TSHR: variants seen among roughly 807,000 people sequenced by gnomAD.
TSHR encodes thyroid stimulating hormone receptor.
TSHR carries 51 observed loss-of-function variants against 64.1 expected under a neutral mutation model. The ratio of observed to expected loss-of-function variants is 0.80; its 90% CI spans 0.64 to 1.01. The LOEUF is 1.01. TSHR is among the 50% of genes least tolerant of loss of function. The pLI, the probability that TSHR is intolerant of heterozygous loss-of-function variation, is 0.00. For synonymous variants in TSHR, 361 were observed against 361.9 expected (o/e 1.00, Z 0.03); for missense variants, 877 against 942.8 (o/e 0.93, Z 0.91).
chr14:80,979,150 A>G (rs1054564677), intron 1 of TSHR, among the ~76,000 whole-genome samples: 4 of 152,236 alleles, frequency 2.6e-5, no homozygotes, highest in African/African-American at 9.6e-5. Flanking sequence ...CATCTGCAAC[A>G]ACATGGATGA....
chr14:81,040,996 T>TA (rs1211343681), intron 1 of TSHR, among the ~76,000 whole-genome samples: 4 of 152,032 alleles, frequency 2.6e-5, no homozygotes, highest in African/African-American at 9.7e-5. Flanking sequence ...TAGCTATTAT[T>TA]AAAAAGTAAA....
chr14:81,033,234 C>T, intron 1 of TSHR: 1 of 472,998 alleles, frequency 2.1e-6, no homozygotes, highest in Non-Finnish European at 4.2e-6. Flanking sequence ...TCAGAAGGGG[C>T]CAGAGCATCC....
At chr14:80,984,341 G>T (rs1215622764) in intron 1 of TSHR, among the ~76,000 whole-genome samples, 1 of 152,180 alleles carries the variant, frequency 6.6e-6, no homozygotes, top group African/African-American at 2.4e-5. Flanking sequence ...AAAAGAGAAG[G>T]TGGAAACATT....
intron 8 of TSHR, among the ~76,000 whole-genome samples, chr14:81,110,969 A>C (rs1237913185): frequency 1.3e-5 from 2 of 152,216 alleles, no homozygotes; most frequent in African/African-American, 2.4e-5. Flanking sequence ...AATATATATT[A>C]CTTATCTTCA....
At chr14:81,091,040 T>A in intron 4 of TSHR, 29 bp from the exon 5 acceptor site, 1 of 1,580,646 alleles carries the variant, frequency 6.3e-7, no homozygotes, top group South Asian at 1.1e-5. Context: ...AATTCTATGC[T>A]TTTTTTTCTC....
At chr14:81,030,365 A>G (rs368771822) in intron 1 of TSHR, among the ~76,000 whole-genome samples, 13 of 152,110 alleles carry the variant, frequency 8.5e-5, no homozygotes, top group Admixed American at 5.2e-4. Context: ...GGTGAAATCC[A>G]TTTTTTACCT....
intron 1 of TSHR, among the ~76,000 whole-genome samples, chr14:81,000,655 C>T (rs961743996): frequency 5.9e-5 from 9 of 152,158 alleles, no homozygotes; most frequent in South Asian, 2.1e-4. Flanking sequence ...ATAGCCTCTT[C>T]GTACTCATTC....
chr14:81,134,473 G>C (rs942925278), intron 8 of TSHR, among the ~76,000 whole-genome samples: 1 of 132,372 alleles, frequency 7.6e-6, no homozygotes, highest in Admixed American at 7.2e-5. Flanking sequence ...ACACAAGAAA[G>C]TGCTCTTAAA....
At chr14:80,962,186 C>A (rs533021167) in intron 1 of TSHR, among the ~76,000 whole-genome samples, 1 of 152,272 alleles carries the variant, frequency 6.6e-6, no homozygotes, top group South Asian at 2.1e-4. Context: ...ATACTGTCAA[C>A]AGATAATTTT....
chr14:81,096,455 CTG>C (rs1889196509), intron 6 of TSHR, among the ~76,000 whole-genome samples, 182 bp from the exon 7 acceptor site: 1 of 152,176 alleles, frequency 6.6e-6, no homozygotes, highest in Non-Finnish European at 1.5e-5. Flanking sequence ...GGCATTCAAA[CTG>C]AGAAATATTA....
At chr14:81,011,914 G>A (rs983658393) in intron 1 of TSHR, among the ~76,000 whole-genome samples, 2 of 151,880 alleles carry the variant, frequency 1.3e-5, no homozygotes, top group Non-Finnish European at 2.9e-5. Flanking sequence ...TTTTTACAAG[G>A]AAAATCTTTT....
chr14:80,956,047 T>A, intron 1 of TSHR, 197 bp downstream of exon 1: 1 of 665,392 alleles, frequency 1.5e-6, no homozygotes, highest in Non-Finnish European at 2.7e-6. Flanking sequence ...GTATCATTGT[T>A]GACATCCTCA....
intron 8 of TSHR, among the ~76,000 whole-genome samples, chr14:81,115,192 C>T (rs1371467136): frequency 2.0e-5 from 3 of 152,062 alleles, no homozygotes; most frequent in Non-Finnish European, 2.9e-5. Flanking sequence ...ATGACTTTGA[C>T]GAGCTGAGAG....
At chr14:81,003,256 AT>A (rs1242455986) in intron 1 of TSHR, 2 of 151,988 alleles carry the variant, frequency 1.3e-5, no homozygotes, top group Non-Finnish European at 2.9e-5. Flanking sequence ...CAGGTGTTTC[AT>A]CCTTTGTCCT....
intron 3 of TSHR, among the ~76,000 whole-genome samples, chr14:81,077,409 C>G (rs555569004): frequency 6.6e-6 from 1 of 152,194 alleles, no homozygotes; most frequent in African/African-American, 2.4e-5. Flanking sequence ...TGTGTACACA[C>G]ACATATTCAT....
Position 81,022,819 on chromosome 14 carries a change from T to C in TSHR, c.171-39329T>C, listed in dbSNP as rs570303067. ...CCGGGCGACAAAGCGAGACTTCATC[T>C]CAAAAGAACAAAAAAAAAGATGTGG... On this transcript the variant is annotated intron_variant, in intron 1 of 9. Transcript: ENST00000298171. Among the ~76,000 whole-genome samples the C allele has an allele frequency of 3.3e-5, 5 of 151,630 alleles. No individual in the cohort carries two copies. In the East Asian group the frequency reaches 9.7e-4, roughly 30 times the overall value.
intron 1 of TSHR, among the ~76,000 whole-genome samples, chr14:81,036,703 C>T (rs1884644455): frequency 6.6e-6 from 1 of 151,998 alleles, no homozygotes; most frequent in Admixed American, 6.6e-5. Context: ...TAGAATACTC[C>T]ATTACTGTAG....
intron 7 of TSHR, among the ~76,000 whole-genome samples, chr14:81,098,780 A>G (rs958705886): frequency 1.3e-5 from 2 of 152,182 alleles, no homozygotes; most frequent in Non-Finnish European, 2.9e-5. Context: ...CAGTGTGTTC[A>G]CCTGACTCTT....
chr14:81,005,210 TG>T (rs1302200952), intron 1 of TSHR, among the ~76,000 whole-genome samples: 49 of 5,364 alleles, frequency 9.1e-3, no homozygotes, highest in Admixed American at 0.031. Context: ...TGTGTGTGTG[TG>T]TGTGTGTGTG....
Sources: gnomAD v4.1 joint callset for allele counts (sites outside exome capture counted in the v4.1 genomes callset) on GRCh38, gnomAD v4.1.1 for gene constraint, MANE v1.5 for transcripts, NCBI Gene and HGNC (gene_info 2026-07-23, HGNC 2026-07-21) for gene names.